The following PTH1R variants were observed in gnomAD, a reference collection of about 807,000 sequenced individuals.
PTH1R encodes parathyroid hormone/parathyroid hormone-related peptide receptor.
PTH1R carries 32 observed loss-of-function variants against 70.7 expected under a neutral mutation model. The ratio of observed to expected loss-of-function variants is 0.45; its 90% CI spans 0.34 to 0.61. The LOEUF is 0.61. PTH1R is among the 20% of genes least tolerant of loss of function. PTH1R has a pLI of 0.01. For missense variants in PTH1R, 626 were observed against 792.5 expected, an observed-to-expected ratio of 0.79 and a Z score of 2.52; for synonymous variants, 329 against 324.8, an observed-to-expected ratio of 1.01 and a Z score of -0.14.
intron 9 of PTH1R, 125 bp downstream of exon 9, chr3:46,898,982 C>A: frequency 2.6e-6 from 2 of 769,156 alleles, no homozygotes; most frequent in South Asian, 3.9e-5. Context: ...TTCAGCCACT[C>A]AAACCCGTCT....
At chr3:46,880,737 AAGAAGG>A (rs1023449433) in intron 1 of PTH1R, among the ~76,000 whole-genome samples, 23 of 150,442 alleles carry the variant, frequency 1.5e-4, no homozygotes, top group Admixed American at 7.2e-4. Context: ...GAAGAAGAAG[AAGAAGG>A]AGAAGGAGAA....
chr3:46,901,212 G>A lies in PTH1R; in HGVS notation c.1049+127G>A. On this transcript the variant is annotated intron_variant, in intron 11 of 15. Transcript: ENST00000449590. This position sits in a 1 kb window ranked among gnomAD's most constrained non-coding sequence, Gnocchi z 7.3. ...CCCAGCCTCAGGAGTTCTCAGTCCAGCCTCAAGCCAGGAGCACCCTCAGGG... is the reference window on the plus strand; with the variant it reads ...CCCAGCCTCAGGAGTTCTCAGTCCAACCTCAAGCCAGGAGCACCCTCAGGG... 1 of 1,348,100 alleles carries A rather than the reference G, an allele frequency of 7.4e-7. No individual in the cohort carries two copies. The highest frequency in any genetic ancestry group is 1.0e-6 in the Non-Finnish European group (1 of 967,204). The allele number at this position is 1,348,100 out of a possible 1,614,324, so 83.5% of individuals were successfully genotyped here. A position where few individuals can be genotyped will look rare whatever the true frequency, so the allele number is the denominator to read the frequency against.
At chr3:46,899,241 G>C in intron 9 of PTH1R, 62 bp from the exon 10 acceptor site, 1 of 1,608,668 alleles carries the variant, frequency 6.2e-7, no homozygotes, top group Non-Finnish European at 8.5e-7. Context: ...CAGCCCCCCA[G>C]CCCAGCCCTG....
rs532005123 is a variant in PTH1R at position 46,892,467 on chromosome 3, C to T, written c.76-1440C>T. Reference sequence around the variant, plus strand: ...GCGCCGGCCACTCGAGAATGCGCTGCCACTCGCGCGCGCACGCACAGGGAC... The same window carrying T: ...GCGCCGGCCACTCGAGAATGCGCTGTCACTCGCGCGCGCACGCACAGGGAC... On this transcript the variant is annotated intron_variant, in intron 3 of 15. Coordinates refer to ENST00000449590, the MANE Select transcript of PTH1R (RefSeq NM_000316.3). The surrounding 1 kb of genome is among the most constrained non-coding windows in gnomAD (Gnocchi z 5.2). Among the ~76,000 whole-genome samples, 2 of 152,338 alleles carry T rather than the reference C, an allele frequency of 1.3e-5. No individual in the cohort carries two copies. Among genetic ancestry groups the T allele is most frequent in the South Asian group, 4.1e-4 (2 of 4,826 alleles).
chr3:46,892,650 T>G lies in PTH1R; in HGVS notation c.76-1257T>G. 1 of 759,748 alleles carries G rather than the reference T, an allele frequency of 1.3e-6. No individual in the cohort carries two copies. Among genetic ancestry groups the G allele is most frequent in the Non-Finnish European group, 1.6e-6 (1 of 622,642 alleles). The allele number at this position is 759,748 out of a possible 1,614,324, so 47.1% of individuals were successfully genotyped here. ...CTCTCTGACCCGGCCTGCCCGCCCC[T>G]CTCGCCGGTGCCCGCCCCATGCCCG... On this transcript the variant is annotated intron_variant, in intron 3 of 15. Coordinates refer to ENST00000449590, the MANE Select transcript of PTH1R (RefSeq NM_000316.3). This position sits in a 1 kb window ranked among gnomAD's most constrained non-coding sequence, Gnocchi z 5.2.
In PTH1R at chr3:46,896,444, G is replaced by A. The variant is rs1421445575; in HGVS notation, c.313+575G>A. 6.6e-6 allele frequency among the ~76,000 whole-genome samples: 1 copy of A among 151,172 alleles called. No homozygotes were observed. The highest frequency in any genetic ancestry group is 1.5e-5 in the Non-Finnish European group (1 of 67,610). ...GGAGGGGAGAAGAGAAGGGAGGGAA[G>A]CAGATGAGGAAAGGCAGACAGAGCC... is the stretch of plus-strand genomic sequence containing the variant. On this transcript the variant is annotated intron_variant, in intron 5 of 15. Coordinates refer to ENST00000449590, the MANE Select transcript of PTH1R (RefSeq NM_000316.3). The surrounding 1 kb of genome is among the most constrained non-coding windows in gnomAD (Gnocchi z 4.1).
Position 46,901,943 on chromosome 3 carries a change from C to A in PTH1R, c.1211+83C>A. ...CATGTACCCCAGGAAAGACAGTGGC[C>A]CCATGAATGATCCTGGGGCAAGGGA... On this transcript the variant is annotated intron_variant, in intron 13 of 15. Coordinates refer to ENST00000449590, the MANE Select transcript of PTH1R (RefSeq NM_000316.3). This position sits in a 1 kb window ranked among gnomAD's most constrained non-coding sequence, Gnocchi z 7.3. 1.5e-6 allele frequency: 2 copies of A among 1,366,194 alleles called. No individual in the cohort carries two copies. The highest frequency in any genetic ancestry group is 2.1e-6 in the Non-Finnish European group (2 of 965,484). 84.6% of individuals were successfully genotyped at this position (1,366,194 alleles called of 1,614,324 possible). A position where few individuals can be genotyped will look rare whatever the true frequency, so the allele number is the denominator to read the frequency against.
rs1432994517 is a variant in PTH1R, at chr3:46,898,442, C to T, written c.608C>T (p.Thr203Ile). The change falls in exon 8 of 16, where the codon ACC becomes ATC. Residue 203 changes from threonine to isoleucine, a missense_variant. Thr to Ile is a moderately conservative substitution (Grantham distance 89). Coordinates refer to ENST00000449590, the MANE Select transcript of PTH1R (RefSeq NM_000316.3). ...VGYSVSLASL[T>I]VAVLILAYFR... ...TACTCCGTGTCCCTGGCGTCCCTCA[C>T]CGTAGCTGTGCTCATCCTGGCCTAC... 2.5e-6 allele frequency: 4 copies of T among 1,614,062 alleles called. No homozygotes were observed. Among genetic ancestry groups the T allele is most frequent in the Non-Finnish European group, 3.4e-6 (4 of 1,180,016 alleles).
chr3:46,885,559 C>G (rs1032809855), intron 3 of PTH1R, among the ~76,000 whole-genome samples: 1 of 152,210 alleles, frequency 6.6e-6, no homozygotes, highest in African/African-American at 2.4e-5. Context: ...AGCCCCACTG[C>G]TCTCCAGGGA....
chr3:46,883,433 G>C lies in PTH1R; in HGVS notation c.-48-79G>C. 1.5e-6 allele frequency: 1 copy of C among 680,036 alleles called. No homozygotes were observed. Among genetic ancestry groups the C allele is most frequent in the Non-Finnish European group, 1.9e-6 (1 of 521,090 alleles). The allele number at this position is 680,036 out of a possible 1,614,324, so 42.1% of individuals were successfully genotyped here. On this transcript the variant is annotated intron_variant, in intron 2 of 15. Coordinates refer to ENST00000449590, the MANE Select transcript of PTH1R (RefSeq NM_000316.3). This position sits in a 1 kb window ranked among gnomAD's most constrained non-coding sequence, Gnocchi z 6.4. ...CCGGGCCCCGGGGCCTCGGGCCGCC[G>C]GGACGCCGGGGTCCCATAGGCCGGG...
In PTH1R at chr3:46,883,556, G is replaced by A. The variant is rs1383323334; in HGVS notation, c.-4G>A. ...CCCGAGGGACGCGGCCCTAGGCGGT[G>A]GCGATGGGGACCGCCCGGATCGCAC... On this transcript the variant is annotated 5_prime_UTR_variant, in exon 3 of 16. Coordinates refer to ENST00000449590, the MANE Select transcript of PTH1R (RefSeq NM_000316.3). The surrounding 1 kb of genome is among the most constrained non-coding windows in gnomAD (Gnocchi z 6.4). The A allele has an allele frequency of 6.5e-7, 1 of 1,534,272 alleles. No individual in the cohort carries two copies. Among genetic ancestry groups the A allele is most frequent in the Non-Finnish European group, 8.7e-7 (1 of 1,145,028 alleles).
At chr3:46,886,286 G>A (rs916543429) in intron 3 of PTH1R, among the ~76,000 whole-genome samples, 2 of 152,202 alleles carry the variant, frequency 1.3e-5, no homozygotes, top group African/African-American at 2.4e-5. Context: ...AAGAGACTGT[G>A]GTGTGGACTC....
intron 4 of PTH1R, 96 bp downstream of exon 4, chr3:46,894,105 C>T: frequency 7.7e-7 from 1 of 1,306,638 alleles, no homozygotes; most frequent in Non-Finnish European, 1.1e-6. Flanking sequence ...TGAAGGCTCT[C>T]TGTGGGGGCG....
In PTH1R at chr3:46,891,364, A is replaced by G. The variant is rs1024155730; in HGVS notation, c.76-2543A>G. On this transcript the variant is annotated intron_variant, in intron 3 of 15. Transcript: ENST00000449590. This position sits in a 1 kb window ranked among gnomAD's most constrained non-coding sequence, Gnocchi z 4.3. ...CAGCTTTCGGTGGTCAGGCTGCCCA[A>G]TGGCCACTCAGTTTTCAACCCATGA... Among the ~76,000 whole-genome samples, 19 of 152,080 alleles carry G rather than the reference A, an allele frequency of 1.2e-4. No homozygotes were observed. The highest frequency in any genetic ancestry group is 2.5e-4 in the Non-Finnish European group (17 of 67,992).
rs11391648 is a variant in PTH1R, at chr3:46,884,416, C to CA, written c.75+790dup. Among the ~76,000 whole-genome samples, 11,380 of 151,454 alleles carry CA rather than the reference C, an allele frequency of 0.075. 1,477 individuals are homozygous for CA. The highest frequency in any genetic ancestry group is 0.26 in the African/African-American group (10,715 of 41,314). ...GGAGGGGTGGACAGACTAAGAACAGCAAAAAAAATAGGGAGACAGGCAAAG... is the reference window on the plus strand; with the variant it reads ...GGAGGGGTGGACAGACTAAGAACAGCAAAAAAAAATAGGGAGACAGGCAAAG... On this transcript the variant is annotated intron_variant, in intron 3 of 15. Transcript: ENST00000449590. The surrounding 1 kb of genome is among the most constrained non-coding windows in gnomAD (Gnocchi z 4.8).
intron 3 of PTH1R, among the ~76,000 whole-genome samples, chr3:46,890,935 AGAG>A (rs1318150922): frequency 6.6e-6 from 1 of 152,212 alleles, no homozygotes; most frequent in Non-Finnish European, 1.5e-5. Flanking sequence ...ATCTCCTTGA[AGAG>A]GAGGGCACAG....
At chr3:46,885,347 C>T (rs1040432742) in intron 3 of PTH1R, among the ~76,000 whole-genome samples, 1 of 152,112 alleles carries the variant, frequency 6.6e-6, no homozygotes, top group African/African-American at 2.4e-5. Context: ...ATGTGTATTT[C>T]ATAAATGCTT....
At chr3:46,895,685 T>A (rs775059480) in intron 4 of PTH1R, 50 bp from the exon 5 acceptor site, 2 of 1,613,546 alleles carry the variant, frequency 1.2e-6, no homozygotes, top group Non-Finnish European at 1.7e-6. Flanking sequence ...ACCCTGGGTC[T>A]CCTGTTGTAG....
chr3:46,898,151 A>G lies in PTH1R; in HGVS notation c.502A>G (p.Ser168Gly). Residue 168 changes from serine to glycine, a missense_variant, in exon 7 of 16, where the codon AGC becomes GGC. Coordinates refer to ENST00000449590, the MANE Select transcript of PTH1R (RefSeq NM_000316.3). The stretch of plus-strand genomic sequence containing the variant: ...GCACAACAGGACGTGGGCCAACTAC[A>G]GCGAGTGTGTCAAATTTCTCACCAA... ...PGHNRTWANY[S>G]ECVKFLTNET... The G allele has an allele frequency of 6.2e-7, 1 of 1,614,188 alleles. No homozygotes were observed. Among genetic ancestry groups the G allele is most frequent in the Non-Finnish European group, 8.5e-7 (1 of 1,180,024 alleles).
Sources: allele counts gnomAD v4.1 joint callset (sites outside exome capture counted in the v4.1 genomes callset), GRCh38; gene constraint gnomAD v4.1.1; non-coding constraint Gnocchi (gnomAD v3.1); transcripts MANE v1.5; gene names NCBI Gene and HGNC (gene_info 2026-07-23, HGNC 2026-07-21).